Variants in A2M observed in about 807,000 individuals in gnomAD.
A2M encodes the protein alpha-2-macroglobulin.
Under a neutral mutation model 183.9 loss-of-function variants are expected in A2M, and 128 were observed. The ratio of observed to expected loss-of-function variants is 0.70; its 90% CI spans 0.60 to 0.81. The LOEUF is 0.81. Among genes scored for constraint, A2M ranks in the 30% least tolerant of loss-of-function variants. The pLI is 0.00. For missense variants in A2M, 1,495 were observed against 1,787.6 expected (o/e 0.84, Z 2.95); for synonymous variants, 592 against 670.8 (o/e 0.88, Z 1.81).
intron 8 of A2M, among the ~76,000 whole-genome samples, chr12:9,106,834 C>T (rs1288524101): frequency 6.6e-6 from 1 of 151,922 alleles, no homozygotes; most frequent in Non-Finnish European, 1.5e-5. Context: ...AGATATATTG[C>T]GATAGAAATG....
At chr12:9,109,470 G>A (rs2137951662) in intron 6 of A2M, 65 bp from the exon 7 acceptor site, 1 of 1,279,414 alleles carries the variant, frequency 7.8e-7, no homozygotes, top group Admixed American at 1.9e-5. Context: ...CCTATTTTCA[G>A]GTTCCCTGTA....
chr12:9,089,920 G>A lies in A2M; in HGVS notation c.2700C>T (p.Ile900=). 6.2e-7 allele frequency: 1 copy of A among 1,611,888 alleles called. No homozygotes were observed. The highest frequency in any genetic ancestry group is 8.5e-7 in the Non-Finnish European group (1 of 1,178,474). ...VPEHGRKDTV[I]KPLLVEPEGL... ...TACTTACTTCAACCAACAGAGGCTT[G>A]ATGACTGTGTCTTTCCTTCCGTGTT... The change falls in exon 21 of 36, where the codon ATC becomes ATT. Residue 900 remains isoleucine (I), a synonymous_variant. Transcript: ENST00000318602.
chr12:9,085,692 G>T (rs1172297741), intron 22 of A2M, among the ~76,000 whole-genome samples: 1 of 151,556 alleles, frequency 6.6e-6, no homozygotes, highest in East Asian at 1.9e-4. Context: ...ACTAGAAAAA[G>T]AATACAAAAG....
rs767862525 is a variant in A2M at position 9,112,171 on chromosome 12, G to C, written c.471C>G (p.Pro157=). Residue 157 remains proline (P), a synonymous_variant, in exon 4 of 36, where the codon CCC becomes CCG. Coordinates refer to ENST00000318602, the MANE Select transcript of A2M (RefSeq NM_000014.6). ...ATAGAAAACTCACCAACTCATTCAGGGGGTGAAAGTTTTCATCCATGGAGA... is the reference window on the plus strand; with the variant it reads ...ATAGAAAACTCACCAACTCATTCAGCGGGTGAAAGTTTTCATCCATGGAGA... ...RVVSMDENFH[P]LNELIPLVYI... is the part of the protein sequence containing the mutation. 1 of 1,613,526 alleles carries C rather than the reference G, an allele frequency of 6.2e-7. No homozygotes were observed. The highest frequency in any genetic ancestry group is 1.3e-5 in the African/African-American group (1 of 74,874).
In A2M at chr12:9,108,418, G is replaced by A. The variant is rs1300344354; in HGVS notation, c.759-774C>T. Among the ~76,000 whole-genome samples, 10 of 152,262 alleles carry A rather than the reference G, an allele frequency of 6.6e-5. No individual in the cohort carries two copies. The East Asian group carries it at 1.2e-3, about 18-fold the overall frequency. On this transcript the variant is annotated intron_variant, in intron 7 of 35. Transcript: ENST00000318602. ...TGGGATTACAGGCGTGAGCCACCAC[G>A]CCGGGCCTGTTTACTTTTTTACAAA...
intron 13 of A2M, 43 bp from the exon 14 acceptor site, chr12:9,099,566 G>T: frequency 6.4e-7 from 1 of 1,570,482 alleles, no homozygotes; most frequent in South Asian, 1.2e-5. Flanking sequence ...ATAGGTTAAT[G>T]ACTATTTCCA....
chr12:9,109,990 C>G lies in A2M; in HGVS notation c.550G>C (p.Glu184Gln), dbSNP rs776266925. 2.1e-5 allele frequency: 34 copies of G among 1,613,674 alleles called. No homozygotes were observed. Among genetic ancestry groups the G allele is most frequent in the Non-Finnish European group, 2.8e-5 (33 of 1,179,792 alleles). ...AAAGAAAATTGCTTGAGGCCACCCT[C>G]TAACTGGAAACTCTGCCATTGTGCG... ...RIAQWQSFQLEGGLKQFSFPL... is the reference protein window; with the variant it reads ...RIAQWQSFQLQGGLKQFSFPL... The change falls in exon 6 of 36, where the codon GAG (glutamate) becomes CAG (glutamine). Residue 184 changes from glutamate (E) to glutamine (Q), a missense_variant. Transcript: ENST00000318602.
intron 7 of A2M, among the ~76,000 whole-genome samples, chr12:9,108,421 G>A (rs959066399): frequency 2.0e-5 from 3 of 152,076 alleles, no homozygotes; most frequent in Non-Finnish European, 2.9e-5. Flanking sequence ...CCACCACGCC[G>A]GGCCTGTTTA....
intron 17 of A2M, among the ~76,000 whole-genome samples, chr12:9,094,267 C>T (rs1240534263): frequency 6.7e-6 from 1 of 149,644 alleles, no homozygotes; most frequent in Non-Finnish European, 1.5e-5. Context: ...TAGTTTCCTT[C>T]ACTCTATTCA....
intron 22 of A2M, among the ~76,000 whole-genome samples, chr12:9,087,614 T>G (rs980794775): frequency 6.6e-6 from 1 of 152,142 alleles, no homozygotes; most frequent in Non-Finnish European, 1.5e-5. Flanking sequence ...TAGTTAATAA[T>G]AGTGTATTTT....
intron 15 of A2M, among the ~76,000 whole-genome samples, chr12:9,096,543 G>T (rs894205540): frequency 6.6e-5 from 10 of 152,186 alleles, no homozygotes; most frequent in Non-Finnish European, 1.5e-4. Context: ...AAATGCTCCA[G>T]ATCTTCATAT....
At chr12:9,070,439 C>T (rs1378830839) in intron 32 of A2M, 49 bp downstream of exon 32, 18 of 1,220,298 alleles carry the variant, frequency 1.5e-5, no homozygotes, top group Non-Finnish European at 2.1e-5. Context: ...GCTGGGGATA[C>T]ATACATCATT....
rs1453733253 is a variant in A2M at position 9,074,742 on chromosome 12, G to A, written c.3574C>T (p.Pro1192Ser). The A allele has an allele frequency of 6.2e-7, 1 of 1,613,772 alleles. No individual in the cohort carries two copies. The highest frequency in any genetic ancestry group is 1.1e-5 in the South Asian group (1 of 90,948). Reference protein sequence around the residue: ...HWERPQKPKAPVGHFYEPQAP... With the variant: ...HWERPQKPKASVGHFYEPQAP... ...TGGGGTTCGTAAAAATGCCCCACTG[G>A]TGCCTTGGGTTTCTGAGGGCGCTCC... is the stretch of plus-strand genomic sequence containing the variant. The change falls in exon 29 of 36, where the codon CCA (proline) becomes TCA (serine). Residue 1192 changes from proline (P) to serine (S), a missense_variant. Pro to Ser is a moderately conservative substitution (Grantham distance 74, BLOSUM62 -1). Transcript: ENST00000318602.
intron 16 of A2M, 98 bp downstream of exon 16, chr12:9,095,441 C>G (rs1949343875): frequency 8.3e-7 from 1 of 1,205,972 alleles, no homozygotes; most frequent in Non-Finnish European, 1.2e-6. Context: ...TCCCATTACC[C>G]TCAACTAGGA....
intron 11 of A2M, 91 bp from the exon 12 acceptor site, chr12:9,101,765 T>G: frequency 2.0e-6 from 2 of 978,932 alleles, no homozygotes; most frequent in Non-Finnish European, 3.0e-6. Context: ...TGTCCTACCT[T>G]AACTAGTAGC....
rs374437029 is a variant in A2M, at chr12:9,098,723, G to C, written c.1735C>G (p.Pro579Ala). 19 of 1,612,888 alleles carry C rather than the reference G, an allele frequency of 1.2e-5. No individual in the cohort carries two copies. In the East Asian group the frequency reaches 2.0e-4, roughly 17 times the overall value. Residue 579 changes from proline to alanine, a missense_variant, in exon 15 of 36, where the codon CCA becomes GCA. Physicochemically the swap from Pro to Ala is conservative, Grantham distance 27. Coordinates refer to ENST00000318602, the MANE Select transcript of A2M (RefSeq NM_000014.6). The stretch of plus-strand genomic sequence containing the variant: ...ACTCGCAGGTGGGCGTGTGAGGCTG[G>C]GAGACTTTGTGATGGGCTGAAGCTC... ...DLSFSPSQSLPASHAHLRVTA... is the reference protein window; with the variant it reads ...DLSFSPSQSLAASHAHLRVTA...
At chr12:9,090,146 C>T (rs1035603750) in intron 20 of A2M, 123 bp from the exon 21 acceptor site, 104 of 1,426,126 alleles carry the variant, frequency 7.3e-5, no homozygotes, top group South Asian at 6.3e-4. Flanking sequence ...GAAGCAGGAA[C>T]GGAAACATGC....
At chr12:9,108,274 G>T (rs1470777885) in intron 7 of A2M, among the ~76,000 whole-genome samples, 2 of 151,954 alleles carry the variant, frequency 1.3e-5, no homozygotes, top group Admixed American at 1.3e-4. Context: ...TACAGGCGCT[G>T]GCCACCATGC....
Position 9,106,490 on chromosome 12 carries a change from C to A in A2M, c.994+1G>T. 2 of 1,580,034 alleles carry A rather than the reference C, an allele frequency of 1.3e-6. No homozygotes were observed. The highest frequency in any genetic ancestry group is 1.7e-6 in the Non-Finnish European group (2 of 1,155,504). Reference sequence around the variant, plus strand: ...CTCTTATACCCATGTAGTACACAAACCTGTTCCTTCTTCTTGGATCTGGGC... The same window carrying A: ...CTCTTATACCCATGTAGTACACAAAACTGTTCCTTCTTCTTGGATCTGGGC... On this transcript the variant is annotated splice_donor_variant, in intron 9 of 35. Transcript: ENST00000318602. LOFTEE classifies it high-confidence loss of function.
Sources: allele counts gnomAD v4.1 joint callset (sites outside exome capture counted in the v4.1 genomes callset), GRCh38; gene constraint gnomAD v4.1.1; transcripts MANE v1.5; gene names NCBI Gene and HGNC (gene_info 2026-07-23, HGNC 2026-07-21).